The following CHD9 variants were observed in gnomAD, a reference collection of about 807,000 sequenced individuals.
The protein encoded by CHD9 is chromodomain helicase DNA binding protein 9.
CHD9 carries 77 observed loss-of-function variants against 316.1 expected under a neutral mutation model. The ratio of observed to expected loss-of-function variants is 0.24; its 90% CI spans 0.20 to 0.29. CHD9 has a LOEUF of 0.29. CHD9 is among the 10% of genes least tolerant of loss of function. The pLI is 1.00. For synonymous variants in CHD9, 1,129 were observed against 1,158.3 expected, an observed-to-expected ratio of 0.97 and a Z score of 0.51; for missense variants, 2,763 against 3,438.1, an observed-to-expected ratio of 0.80 and a Z score of 4.91.
chr16:53,138,137 A>G (rs952670522), intron 1 of CHD9, among the ~76,000 whole-genome samples: 16 of 152,206 alleles, frequency 1.1e-4, no homozygotes, highest in South Asian at 8.3e-4. Flanking sequence ...TACATCGTTA[A>G]GTAGAGACTT....
intron 2 of CHD9, among the ~76,000 whole-genome samples, chr16:53,176,015 C>T (rs995510662): frequency 6.6e-6 from 1 of 152,204 alleles, no homozygotes; most frequent in Non-Finnish European, 1.5e-5. Flanking sequence ...GAACCTACAA[C>T]CATGTATCAG....
intron 30 of CHD9, among the ~76,000 whole-genome samples, chr16:53,300,207 G>T (rs1326095445): frequency 6.6e-6 from 1 of 152,088 alleles, no homozygotes; most frequent in African/African-American, 2.4e-5. Flanking sequence ...CAAAAAATTA[G>T]CCGGGTGTAG....
chr16:53,122,544 CTTTTT>C (rs35643983), intron 1 of CHD9, among the ~76,000 whole-genome samples: 2 of 129,874 alleles, frequency 1.5e-5, no homozygotes, highest in African/African-American at 2.8e-5. Context: ...CTGGGAATCC[CTTTTT>C]TTTTTTTTTT....
At chr16:53,227,154 G>C (rs1287408031) in intron 5 of CHD9, 10 of 315,240 alleles carry the variant, frequency 3.2e-5, no homozygotes, top group Admixed American at 5.6e-5. Flanking sequence ...AAAATGCTTA[G>C]AATAATGACC....
At chr16:53,137,130 C>T (rs557747667) in intron 1 of CHD9, among the ~76,000 whole-genome samples, 96 of 152,120 alleles carry the variant, frequency 6.3e-4, no homozygotes, top group African/African-American at 2.2e-3. Flanking sequence ...CCTGCCACCA[C>T]GCCCAGCTAA....
At chr16:53,136,824 T>C (rs1375567069) in intron 1 of CHD9, among the ~76,000 whole-genome samples, 1 of 152,172 alleles carries the variant, frequency 6.6e-6, no homozygotes, top group East Asian at 1.9e-4. Context: ...AGTTATTCCC[T>C]TTCTGTATTC....
At chr16:53,104,638 C>A (rs2152573605) in intron 1 of CHD9, among the ~76,000 whole-genome samples, 1 of 151,984 alleles carries the variant, frequency 6.6e-6, no homozygotes. Flanking sequence ...TGGTGAAACC[C>A]CATCTCTACT....
At chr16:53,120,525 A>G (rs2038665673) in intron 1 of CHD9, among the ~76,000 whole-genome samples, 2 of 152,136 alleles carry the variant, frequency 1.3e-5, no homozygotes, top group African/African-American at 2.4e-5. Flanking sequence ...AAGCAGGAGA[A>G]TCGCTTGAAA....
intron 2 of CHD9, among the ~76,000 whole-genome samples, chr16:53,162,030 G>A (rs143854469): frequency 2.7e-3 from 404 of 152,316 alleles, no homozygotes; most frequent in African/African-American, 9.3e-3. Context: ...GATTACAGGT[G>A]TGAGCCACTG....
At chr16:53,221,095 C>G (rs1437841103) in intron 3 of CHD9, among the ~76,000 whole-genome samples, 1 of 152,136 alleles carries the variant, frequency 6.6e-6, no homozygotes, top group Non-Finnish European at 1.5e-5. Context: ...TTTTCAAATC[C>G]TAGAGCCTAG....
chr16:53,132,869 C>T (rs776071485), intron 1 of CHD9, among the ~76,000 whole-genome samples: 9 of 136,558 alleles, frequency 6.6e-5, no homozygotes, highest in Non-Finnish European at 1.1e-4. Context: ...AGCGCAGTGA[C>T]GCCATCTCGG....
At position 53,315,018 on chromosome 16, in the gene CHD9, G is replaced by A; in HGVS notation, c.7558G>A (p.Val2520Met). 1 of 1,613,702 alleles carries A rather than the reference G, an allele frequency of 6.2e-7. No homozygotes were observed. ...ATGGCTTAAGGAGCACCCGGGTTAT[G>A]TGGAAGATTTGGGAGCTTTTATTCC... ...EKWLKEHPGY[V>M]EDLGAFIPRM... The change falls in exon 36 of 39, where the codon GTG becomes ATG. Residue 2520 changes from valine to methionine, a missense_variant. Physicochemically the swap from Val to Met is conservative, Grantham distance 21. Transcript: ENST00000447540.
Position 53,228,537 on chromosome 16 carries a change from G to GTTTTT in CHD9, c.2169-429_2169-425dup, listed in dbSNP as rs758037912. Among the ~76,000 whole-genome samples, 159 of 105,038 alleles carry GTTTTT rather than the reference G, an allele frequency of 1.5e-3. 1 individual carries two copies. The highest frequency in any genetic ancestry group is 1.9e-3 in the Non-Finnish European group (101 of 53,396). 68.9% of individuals were successfully genotyped at this position (105,038 alleles called of 152,430 possible). Reference sequence around the variant, plus strand: ...CTTATCTTTGTACCTCCATGAAAGTGTTTTTTTTTTTTTTTTTTTTTGAGA... The same window carrying GTTTTT: ...CTTATCTTTGTACCTCCATGAAAGTGTTTTTTTTTTTTTTTTTTTTTTTTTTGAGA... On this transcript the variant is annotated intron_variant, in intron 7 of 38. Transcript: ENST00000447540.
At chr16:53,217,912 T>TTTCTTTCTTTC (rs2046902059) in intron 3 of CHD9, among the ~76,000 whole-genome samples, 1 of 144,204 alleles carries the variant, frequency 6.9e-6, no homozygotes, top group African/African-American at 2.6e-5. Flanking sequence ...GCTTATACTC[T>TTTCTTTCTTTC]TTTCTTTCTT....
chr16:53,274,604 C>T (rs1042650577), intron 24 of CHD9, among the ~76,000 whole-genome samples: 11 of 152,004 alleles, frequency 7.2e-5, no homozygotes, highest in Non-Finnish European at 1.5e-4. Context: ...TACAGGCATG[C>T]GTCACCACGC....
chr16:53,128,063 A>G lies in CHD9; in HGVS notation c.-164-27863A>G, dbSNP rs1201567450. Among the ~76,000 whole-genome samples, 5 of 152,096 alleles carry G rather than the reference A, an allele frequency of 3.3e-5. No homozygotes were observed. In the East Asian group the frequency reaches 9.7e-4, roughly 29 times the overall value. On this transcript the variant is annotated intron_variant, in intron 1 of 38. Transcript: ENST00000447540. ...TTTCAGTAAACGTATCTATTGTAGG[A>G]TGTTTCTTTCAAGGTGAGGAGAGCC...
At chr16:53,183,414 AG>A (rs1486964425) in intron 2 of CHD9, among the ~76,000 whole-genome samples, 2 of 152,162 alleles carry the variant, frequency 1.3e-5, no homozygotes, top group Admixed American at 6.5e-5. Flanking sequence ...TAGGAGAGAA[AG>A]GGGAAGGAAC....
chr16:53,123,391 C>A (rs2038832584), intron 1 of CHD9, among the ~76,000 whole-genome samples: 1 of 152,108 alleles, frequency 6.6e-6, no homozygotes, highest in Non-Finnish European at 1.5e-5. Context: ...AACCACTAAT[C>A]TACTTTCTGT....
At chr16:53,309,801 G>A (rs1170943418) in intron 34 of CHD9, among the ~76,000 whole-genome samples, 1 of 151,982 alleles carries the variant, frequency 6.6e-6, no homozygotes, top group East Asian at 1.9e-4. Context: ...TAATTTATCT[G>A]TGTTCCTCTA....
Sources: gnomAD v4.1 joint callset for allele counts (sites outside exome capture counted in the v4.1 genomes callset) on GRCh38, gnomAD v4.1.1 for gene constraint, MANE v1.5 for transcripts, NCBI Gene and HGNC (gene_info 2026-07-23, HGNC 2026-07-21) for gene names.